DCLK1: variants seen among roughly 807,000 people sequenced by gnomAD.
DCLK1 encodes doublecortin like kinase 1, also known as serine/threonine-protein kinase DCLK1.
DCLK1 carries 16 observed loss-of-function variants against 86.2 expected under a neutral mutation model. That is an observed-to-expected ratio of 0.19 (90% confidence interval 0.13 to 0.28). The LOEUF (loss-of-function observed/expected upper bound fraction) is 0.28. DCLK1 is among the 10% of genes least tolerant of loss of function. DCLK1 has a pLI of 1.00. For synonymous variants in DCLK1, 369 were observed against 370.5 expected (o/e 1.00, Z 0.05); for missense variants, 590 against 940.2 (o/e 0.63, Z 4.87).
At chr13:35,974,555 G>A (rs1213509687) in intron 3 of DCLK1, among the ~76,000 whole-genome samples, 2 of 152,184 alleles carry the variant, frequency 1.3e-5, no homozygotes, top group Non-Finnish European at 2.9e-5. Flanking sequence ...TCTCGTGATA[G>A]TGAGTTCTCA....
chr13:36,048,707 C>T (rs1035205345), intron 3 of DCLK1, among the ~76,000 whole-genome samples: 1 of 152,200 alleles, frequency 6.6e-6, no homozygotes. Flanking sequence ...TTACTTTCAG[C>T]TTTACTAATA....
At chr13:36,055,530 G>T (rs1883269922) in intron 3 of DCLK1, among the ~76,000 whole-genome samples, 1 of 152,082 alleles carries the variant, frequency 6.6e-6, no homozygotes. Context: ...GAAGAATAAG[G>T]GGAAACCTCC....
Position 35,771,886 on chromosome 13 carries a change from C to T in DCLK1, c.*2649G>A, listed in dbSNP as rs2086339409. On this transcript the variant is annotated 3_prime_UTR_variant, in exon 17 of 17. Coordinates refer to ENST00000360631, the MANE Select transcript of DCLK1 (RefSeq NM_001330071.2). ...ATAGAAATTCCTTAAAGAACACCAC[C>T]ACTTAATTATTTCAAACTTGAACTA... 3.3e-5 allele frequency: 5 copies of T among 152,086 alleles called. No homozygotes were observed. The highest frequency in any genetic ancestry group is 3.3e-4 in the Admixed American group (5 of 15,270). 9.4% of individuals were successfully genotyped at this position (152,086 alleles called of 1,614,324 possible).
intron 15 of DCLK1, 54 bp from the exon 16 acceptor site, chr13:35,793,533 A>G: frequency 7.1e-7 from 1 of 1,406,786 alleles, no homozygotes; most frequent in Non-Finnish European, 9.8e-7. Flanking sequence ...AGATAAATGA[A>G]AAATGAAGGC....
At chr13:36,043,418 T>C (rs1481002749) in intron 3 of DCLK1, among the ~76,000 whole-genome samples, 1 of 151,628 alleles carries the variant, frequency 6.6e-6, no homozygotes, top group Admixed American at 6.6e-5. Flanking sequence ...TAAAGATCAA[T>C]ATAGGAGGTT....
At chr13:35,835,544 C>G (rs1038252545) in intron 8 of DCLK1, among the ~76,000 whole-genome samples, 5 of 152,146 alleles carry the variant, frequency 3.3e-5, no homozygotes, top group African/African-American at 1.2e-4. Flanking sequence ...CCACAGAGTA[C>G]CGGGTTCATT....
At chr13:36,055,999 C>T (rs944807150) in intron 3 of DCLK1, among the ~76,000 whole-genome samples, 1 of 151,226 alleles carries the variant, frequency 6.6e-6, no homozygotes, top group African/African-American at 2.4e-5. Flanking sequence ...GAAATAGGAA[C>T]ACTTTTACAC....
intron 4 of DCLK1, 62 bp from the exon 5 acceptor site, chr13:35,871,402 A>C: frequency 7.7e-7 from 1 of 1,290,684 alleles, no homozygotes; most frequent in Non-Finnish European, 1.1e-6. Context: ...ACCAACTCAA[A>C]ATGCACAATA....
At chr13:36,096,587 A>G (rs2138150169) in intron 3 of DCLK1, among the ~76,000 whole-genome samples, 1 of 152,316 alleles carries the variant, frequency 6.6e-6, no homozygotes, top group South Asian at 2.1e-4. Flanking sequence ...CAAGTGGGAA[A>G]CTCACCATGA....
chr13:35,912,490 C>G (rs1021821370), intron 4 of DCLK1, among the ~76,000 whole-genome samples: 1 of 152,094 alleles, frequency 6.6e-6, no homozygotes, highest in South Asian at 2.1e-4. Context: ...AAAGATGATT[C>G]GACTTCAGTG....
Position 35,822,796 on chromosome 13 carries a change from G to C in DCLK1, c.1487C>G (p.Ala496Gly). ...GCTATGCAGGTATTTGATGGCGCTGGCTAGGTTGTACAGCATCCCACTGGC... is the reference window on the plus strand; with the variant it reads ...GCTATGCAGGTATTTGATGGCGCTGCCTAGGTTGTACAGCATCCCACTGGC... Reference protein sequence around the residue: ...RDASGMLYNLASAIKYLHSLN... With the variant: ...RDASGMLYNLGSAIKYLHSLN... The change falls in exon 11 of 17, where the codon GCC becomes GGC. Residue 496 changes from alanine to glycine, a missense_variant. By Grantham distance (60) the Ala-to-Gly change is moderately conservative (BLOSUM62 0). Coordinates refer to ENST00000360631, the MANE Select transcript of DCLK1 (RefSeq NM_001330071.2). 6.2e-7 allele frequency: 1 copy of C among 1,613,728 alleles called. No individual in the cohort carries two copies. The highest frequency in any genetic ancestry group is 1.1e-5 in the South Asian group (1 of 91,028).
intron 4 of DCLK1, among the ~76,000 whole-genome samples, chr13:35,900,527 G>A (rs1393651499): frequency 6.6e-6 from 1 of 152,128 alleles, no homozygotes; most frequent in African/African-American, 2.4e-5. Context: ...GTACAGGCAT[G>A]AGCCACCATG....
At position 35,977,829 on chromosome 13, in the gene DCLK1, C is replaced by T. The variant is rs1017358244; in HGVS notation, c.724-30372G>A. Among the ~76,000 whole-genome samples the T allele has an allele frequency of 4.6e-5, 7 of 151,900 alleles. No individual in the cohort carries two copies. In the South Asian group the frequency reaches 6.2e-4, roughly 14 times the overall value. On this transcript the variant is annotated intron_variant, in intron 3 of 16. Transcript: ENST00000360631. The stretch of plus-strand genomic sequence containing the variant: ...CTAACTCCAGGCCCAGATGTTGTCT[C>T]GGTGGCATAGCAAATAATGGAAAGT...
At chr13:35,874,963 T>C (rs1180080935) in intron 4 of DCLK1, among the ~76,000 whole-genome samples, 2 of 152,252 alleles carry the variant, frequency 1.3e-5, no homozygotes, top group African/African-American at 4.8e-5. Context: ...CGTACATTTT[T>C]ATCACGTGGC....
rs1193170866 is a variant in DCLK1, at chr13:35,896,452, C to T, written c.824-25112G>A. On this transcript the variant is annotated intron_variant, in intron 4 of 16. Transcript: ENST00000360631. The stretch of plus-strand genomic sequence containing the variant: ...ACTTGGGAGGCTGAAGCAGGAGAAT[C>T]GCTTGAACTCGGAAGCCGGAGGTCG... Among the ~76,000 whole-genome samples the T allele has an allele frequency of 5.4e-5, 8 of 148,362 alleles. No individual in the cohort carries two copies. In the East Asian group the frequency reaches 1.6e-3, roughly 30 times the overall value.
At chr13:35,983,754 A>C (rs1879773159) in intron 3 of DCLK1, among the ~76,000 whole-genome samples, 1 of 152,192 alleles carries the variant, frequency 6.6e-6, no homozygotes, top group Non-Finnish European at 1.5e-5. Flanking sequence ...TACCCAAAGA[A>C]ATTTTTTAAA....
chr13:36,092,876 G>A (rs879274407), intron 3 of DCLK1, among the ~76,000 whole-genome samples: 3 of 151,794 alleles, frequency 2.0e-5, no homozygotes, highest in African/African-American at 7.3e-5. Context: ...GAATTCTACC[G>A]TCTAAATATC....
At chr13:36,106,232 A>G (rs1356995314) in intron 3 of DCLK1, among the ~76,000 whole-genome samples, 1 of 152,194 alleles carries the variant, frequency 6.6e-6, no homozygotes, top group Non-Finnish European at 1.5e-5. Flanking sequence ...AATCTTCCCA[A>G]TTTGGAGGCA....
intron 8 of DCLK1, among the ~76,000 whole-genome samples, chr13:35,832,958 A>G (rs186561456): frequency 2.0e-5 from 3 of 152,304 alleles, no homozygotes; most frequent in African/African-American, 2.4e-5. Flanking sequence ...CTTTCAAACT[A>G]TAGACACATG....
Sources: gnomAD v4.1 joint callset for allele counts (sites outside exome capture counted in the v4.1 genomes callset) on GRCh38, gnomAD v4.1.1 for gene constraint, MANE v1.5 for transcripts, NCBI Gene and HGNC (gene_info 2026-07-23, HGNC 2026-07-21) for gene names.